ACBD6: variants seen among roughly 807,000 people sequenced by gnomAD.
ACBD6 encodes acyl-CoA-binding domain-containing protein 6.
Under a neutral mutation model 37.2 loss-of-function variants are expected in ACBD6, and 28 were observed. That is an observed-to-expected ratio of 0.75 (90% CI 0.56 to 1.03). The LOEUF is 1.03. Among genes scored for constraint, ACBD6 ranks in the 50% least tolerant of loss-of-function variants. ACBD6 has a pLI of 0.00. For missense variants in ACBD6, 340 were observed against 337.4 expected (o/e 1.01, Z -0.06); for synonymous variants, 113 against 126.8 (o/e 0.89, Z 0.73).
At chr1:180,296,096 G>A (rs963173626) in intron 7 of ACBD6, among the ~76,000 whole-genome samples, 1 of 152,138 alleles carries the variant, frequency 6.6e-6, no homozygotes, top group African/African-American at 2.4e-5. Flanking sequence ...CAAATGACAG[G>A]AAAGCAAAAC....
chr1:180,498,855 C>CA (rs112571743), intron 1 of ACBD6, among the ~76,000 whole-genome samples: 4,462 of 114,526 alleles, frequency 0.039, 75 homozygotes, highest in South Asian at 0.048. Flanking sequence ...AAAACTGTCT[C>CA]AAAAAAAAAA....
At chr1:180,307,609 A>G (rs112762465) in intron 7 of ACBD6, among the ~76,000 whole-genome samples, 405 of 152,310 alleles carry the variant, frequency 2.7e-3, no homozygotes, top group African/African-American at 9.1e-3. Flanking sequence ...GTATCAAAGT[A>G]TCTCATGTAC....
At chr1:180,316,306 A>G (rs1157858490) in intron 6 of ACBD6, among the ~76,000 whole-genome samples, 2 of 151,086 alleles carry the variant, frequency 1.3e-5, no homozygotes, top group African/African-American at 4.9e-5. Flanking sequence ...ATGTTAATCA[A>G]TGAAAGTGTG....
intron 5 of ACBD6, among the ~76,000 whole-genome samples, chr1:180,412,830 C>T (rs745374804): frequency 3.9e-5 from 6 of 152,174 alleles, no homozygotes; most frequent in African/African-American, 1.4e-4. Flanking sequence ...CGCACCCATG[C>T]ACTCCAGCCT....
intron 3 of ACBD6, among the ~76,000 whole-genome samples, chr1:180,484,431 T>C (rs1651177877): frequency 6.6e-6 from 1 of 152,212 alleles, no homozygotes; most frequent in African/African-American, 2.4e-5. Context: ...CTGAAACTAC[T>C]TTCTGTATAT....
chr1:180,418,978 G>A (rs1373207073), intron 4 of ACBD6, among the ~76,000 whole-genome samples: 2 of 152,216 alleles, frequency 1.3e-5, no homozygotes, highest in Non-Finnish European at 1.5e-5. Flanking sequence ...GAGGCCGGGC[G>A]CGGTGGCTCA....
At chr1:180,330,248 A>G (rs1651426998) in intron 6 of ACBD6, among the ~76,000 whole-genome samples, 1 of 149,468 alleles carries the variant, frequency 6.7e-6, no homozygotes, top group African/African-American at 2.5e-5. Context: ...CCTTGACTCT[A>G]TAAGAATTTT....
chr1:180,387,540 G>A (rs1359670857), intron 6 of ACBD6, among the ~76,000 whole-genome samples: 1 of 152,174 alleles, frequency 6.6e-6, no homozygotes, highest in Non-Finnish European at 1.5e-5. Flanking sequence ...GTGAGGAAAG[G>A]AAATCACTCC....
At chr1:180,274,803 GGTA>G in exon 10 of ACBD6, 1 of 546,236 alleles carries the variant, frequency 1.8e-6, no homozygotes, top group Non-Finnish European at 3.2e-6. Context: ...CAGCACAGGG[GGTA>G]ATGGCCTAGA....
chr1:180,400,075 T>G (rs1486586768), intron 5 of ACBD6, among the ~76,000 whole-genome samples: 1 of 152,230 alleles, frequency 6.6e-6, no homozygotes, highest in South Asian at 2.1e-4. Context: ...AATAGGGTTA[T>G]ATCAACTAAA....
chr1:180,366,183 C>A (rs1247283258), intron 6 of ACBD6, among the ~76,000 whole-genome samples: 1 of 152,122 alleles, frequency 6.6e-6, no homozygotes, highest in Non-Finnish European at 1.5e-5. Flanking sequence ...CAAGTTAGTT[C>A]TTTTAAGGCA....
chr1:180,462,553 C>A (rs950869648), intron 3 of ACBD6, among the ~76,000 whole-genome samples: 20 of 152,054 alleles, frequency 1.3e-4, no homozygotes, highest in African/African-American at 4.6e-4. Flanking sequence ...TATATGCACC[C>A]AACACAGGAG....
At chr1:180,443,378 G>A (rs1008244948) in intron 3 of ACBD6, among the ~76,000 whole-genome samples, 6 of 152,048 alleles carry the variant, frequency 3.9e-5, no homozygotes, top group South Asian at 2.1e-4. Flanking sequence ...TTCTTTCCCC[G>A]GCCTGTTATT....
intron 3 of ACBD6, chr1:180,435,854 A>G: frequency 7.9e-7 from 1 of 1,265,192 alleles, no homozygotes; most frequent in Middle Eastern, 2.7e-4. Context: ...AAAACCAGGT[A>G]TCAAATTGAC....
chr1:180,402,959 C>A (rs1368359162), intron 5 of ACBD6, among the ~76,000 whole-genome samples: 1 of 152,058 alleles, frequency 6.6e-6, no homozygotes, highest in Non-Finnish European at 1.5e-5. Flanking sequence ...GCCCAGGTAT[C>A]CATCATAAGA....
intron 3 of ACBD6, among the ~76,000 whole-genome samples, chr1:180,489,541 A>G (rs1285526085): frequency 6.6e-6 from 1 of 151,592 alleles, no homozygotes; most frequent in African/African-American, 2.4e-5. Context: ...TGTATTAAAT[A>G]ATTAATTAAA....
intron 6 of ACBD6, among the ~76,000 whole-genome samples, chr1:180,316,328 G>T (rs899304292): frequency 6.7e-6 from 1 of 148,674 alleles, no homozygotes; most frequent in Non-Finnish European, 1.5e-5. Context: ...GTGTGTGTGC[G>T]TGAGTGCGCA....
chr1:180,331,522 TATA>T (rs1237306162), intron 6 of ACBD6, among the ~76,000 whole-genome samples: 1 of 152,226 alleles, frequency 6.6e-6, no homozygotes, highest in Non-Finnish European at 1.5e-5. Flanking sequence ...CCACTTTGAC[TATA>T]AGAATTTCTC....
chr1:180,273,180 T>C (rs972871971), intron 12 of ACBD6: 10 of 152,326 alleles, frequency 6.6e-5, no homozygotes, highest in African/African-American at 2.2e-4. Flanking sequence ...AAAAGGAAGT[T>C]TGTGGGACAG....
Sources: allele counts gnomAD v4.1 joint callset (sites outside exome capture counted in the v4.1 genomes callset), GRCh38; gene constraint gnomAD v4.1.1; transcripts MANE v1.5; gene names NCBI Gene and HGNC (gene_info 2026-07-23, HGNC 2026-07-21).